HTR4: variants seen among roughly 807,000 people sequenced by gnomAD.
The protein encoded by HTR4 is 5-hydroxytryptamine receptor 4, also known as 5-hydroxytryptamine (serotonin) receptor 4, G protein-coupled.
In HTR4, 16 loss-of-function variants were observed where a neutral mutation model predicts 36.8. The ratio of observed to expected loss-of-function variants is 0.43; its 90% CI spans 0.29 to 0.66. The LOEUF (loss-of-function observed/expected upper bound fraction) is 0.66, where lower values mean the gene tolerates loss of function less well. Ranked by LOEUF, HTR4 falls within the 30% of genes least tolerant of loss-of-function variation. HTR4 has a pLI of 0.13. For synonymous variants in HTR4, 189 were observed against 185.1 expected (o/e 1.02, Z -0.17); for missense variants, 438 against 490.9 (o/e 0.89, Z 1.02).
intron 2 of HTR4, among the ~76,000 whole-genome samples, chr5:148,627,383 C>A (rs35990035): frequency 0.26 from 39,375 of 151,976 alleles, 5,246 homozygotes; most frequent in East Asian, 0.39. Context: ...GTATCCATTT[C>A]CACATACGCT....
chr5:148,504,843 C>G (rs576858301), intron 6 of HTR4, among the ~76,000 whole-genome samples: 1 of 152,272 alleles, frequency 6.6e-6, no homozygotes, highest in Non-Finnish European at 1.5e-5. Context: ...ATACAAACTA[C>G]CATCAGAGAA....
intron 5 of HTR4, among the ~76,000 whole-genome samples, chr5:148,470,677 C>T (rs1296775996): frequency 6.6e-6 from 1 of 152,170 alleles, no homozygotes; most frequent in Non-Finnish European, 1.5e-5. Context: ...AGTTTGCTAA[C>T]TCTTGCTCTA....
At chr5:148,644,878 A>T (rs1753836468) in intron 1 of HTR4, 1 of 152,102 alleles carries the variant, frequency 6.6e-6, no homozygotes, top group African/African-American at 2.4e-5. Context: ...GCTTACAGAG[A>T]AATGGTCAGG....
At chr5:148,639,918 A>G (rs1753671868) in intron 1 of HTR4, among the ~76,000 whole-genome samples, 1 of 152,140 alleles carries the variant, frequency 6.6e-6, no homozygotes, top group African/African-American at 2.4e-5. Context: ...TAGCAAAAGT[A>G]TTATATCTTA....
intron 5 of HTR4, chr5:148,465,920 C>T (rs1243717135): frequency 6.2e-7 from 1 of 1,612,694 alleles, no homozygotes; most frequent in Non-Finnish European, 8.5e-7. Flanking sequence ...GACAGGGGAA[C>T]AGCCACTTTT....
intron 6 of HTR4, among the ~76,000 whole-genome samples, chr5:148,496,517 A>C (rs145891870): frequency 1.3e-5 from 2 of 152,246 alleles, no homozygotes; most frequent in African/African-American, 4.8e-5. Flanking sequence ...GAAAGAACCT[A>C]TGGCCAAATA....
chr5:148,524,977 G>A (rs1758195765), intron 4 of HTR4, among the ~76,000 whole-genome samples: 1 of 152,152 alleles, frequency 6.6e-6, no homozygotes, highest in Admixed American at 6.5e-5. Flanking sequence ...ACAAGGCACT[G>A]AGGAGCAGCT....
intron 1 of HTR4, among the ~76,000 whole-genome samples, chr5:148,643,110 C>T (rs528091150): frequency 5.9e-5 from 9 of 152,228 alleles, no homozygotes; most frequent in Non-Finnish European, 1.0e-4. Flanking sequence ...CCAATACGGA[C>T]GCCAATTCCA....
At position 148,583,690 on chromosome 5, in the gene HTR4, G is replaced by A. The variant is rs1056616392; in HGVS notation, c.27-33428C>T. ...TATATTAAAAAGAAGAAACACAAAA[G>A]TGTCCAGTAGCACCTACCACACACC... On this transcript the variant is annotated intron_variant, in intron 2 of 6. Transcript: ENST00000377888. 3.3e-5 allele frequency among the ~76,000 whole-genome samples: 5 copies of A among 151,636 alleles called. No individual in the cohort carries two copies. In the East Asian group the frequency reaches 5.8e-4, roughly 18 times the overall value.
chr5:148,637,874 T>C (rs10038713), intron 1 of HTR4, among the ~76,000 whole-genome samples: 1,729 of 152,202 alleles, frequency 0.011, 38 homozygotes, highest in African/African-American at 0.04. Flanking sequence ...CTGTCTCTTC[T>C]AGGGTCACCA....
At chr5:148,470,054 T>C (rs764156425) in intron 5 of HTR4, among the ~76,000 whole-genome samples, 32 of 152,184 alleles carry the variant, frequency 2.1e-4, no homozygotes, top group Non-Finnish European at 4.4e-4. Context: ...ATAATGGTGA[T>C]GGTGATGGTG....
chr5:148,497,924 T>A (rs1179586250), intron 6 of HTR4, among the ~76,000 whole-genome samples: 1 of 152,226 alleles, frequency 6.6e-6, no homozygotes, highest in Non-Finnish European at 1.5e-5. Context: ...TCTAGACAAA[T>A]GGTGTCATCA....
At chr5:148,525,684 G>A (rs936288502) in intron 4 of HTR4, among the ~76,000 whole-genome samples, 2 of 152,036 alleles carry the variant, frequency 1.3e-5, no homozygotes, top group African/African-American at 4.8e-5. Flanking sequence ...TCACTCCTTA[G>A]CTCTCTCTTT....
chr5:148,652,951 C>T (rs887714871), intron 1 of HTR4, among the ~76,000 whole-genome samples: 2 of 152,158 alleles, frequency 1.3e-5, no homozygotes, highest in African/African-American at 2.4e-5. Context: ...CAGGTCTCAT[C>T]CCTTCCCTGA....
intron 6 of HTR4, among the ~76,000 whole-genome samples, chr5:148,498,029 C>T (rs1467027516): frequency 6.6e-6 from 1 of 152,178 alleles, no homozygotes; most frequent in Non-Finnish European, 1.5e-5. Flanking sequence ...AACACAATTG[C>T]AGACATCTCT....
Position 148,482,850 on chromosome 5 carries a change from A to T in HTR4, c.*353T>A. On this transcript the variant is annotated 3_prime_UTR_variant, in exon 7 of 7. Transcript: ENST00000377888. ...GCGTATTTGGAGACATCAGTGACCGAGATAGGACGCAGCAAGCTATCGTGC... is the reference window on the plus strand; with the variant it reads ...GCGTATTTGGAGACATCAGTGACCGTGATAGGACGCAGCAAGCTATCGTGC... 1 of 1,138,050 alleles carries T rather than the reference A, an allele frequency of 8.8e-7. No homozygotes were observed. Among genetic ancestry groups the T allele is most frequent in the Non-Finnish European group, 1.1e-6 (1 of 918,396 alleles). 70.5% of individuals were successfully genotyped at this position (1,138,050 alleles called of 1,614,324 possible). A position where few individuals can be genotyped will look rare whatever the true frequency, so the allele number is the denominator to read the frequency against.
At chr5:148,486,700 T>C (rs1756174795) in intron 6 of HTR4, among the ~76,000 whole-genome samples, 1 of 152,240 alleles carries the variant, frequency 6.6e-6, no homozygotes, top group Admixed American at 6.5e-5. Context: ...ATCTGGCTTT[T>C]AATATTCTAT....
intron 6 of HTR4, among the ~76,000 whole-genome samples, chr5:148,493,421 C>A (rs1291952451): frequency 6.6e-6 from 1 of 152,166 alleles, no homozygotes; most frequent in East Asian, 1.9e-4. Flanking sequence ...TGTGTATGAA[C>A]TACCTACCAT....
downstream of HTR4, among the ~76,000 whole-genome samples, chr5:148,481,245 T>C (rs1289691196): frequency 2.0e-5 from 3 of 152,302 alleles, no homozygotes; most frequent in Admixed American, 6.5e-5. Context: ...AGCCTAGTGA[T>C]GGCAGGGGAA....
Sources: allele counts gnomAD v4.1 joint callset (sites outside exome capture counted in the v4.1 genomes callset), GRCh38; gene constraint gnomAD v4.1.1; transcripts MANE v1.5; gene names NCBI Gene and HGNC (gene_info 2026-07-23, HGNC 2026-07-21).